Variants in PM20D2 observed in about 807,000 individuals in gnomAD.
PM20D2 encodes xaa-Arg dipeptidase.
Under a neutral mutation model 42.9 loss-of-function variants are expected in PM20D2, and 33 were observed. The observed-to-expected ratio is 0.77, with a 90% confidence interval of 0.58 to 1.03. The LOEUF (loss-of-function observed/expected upper bound fraction) is 1.03. Among genes scored for constraint, PM20D2 ranks in the 50% least tolerant of loss-of-function variants. The pLI is 0.00. For missense variants in PM20D2, 548 were observed against 557.0 expected (o/e 0.98, Z 0.16); for synonymous variants, 250 against 228.2 (o/e 1.10, Z -0.86).
intron 5 of PM20D2, among the ~76,000 whole-genome samples, chr6:89,160,942 G>C (rs1425928255): frequency 6.6e-6 from 1 of 152,054 alleles, no homozygotes; most frequent in East Asian, 1.9e-4. Context: ...ATCGAGAGTA[G>C]TGGGAACATG....
At chr6:89,160,503 T>C (rs987163406) in intron 5 of PM20D2, among the ~76,000 whole-genome samples, 2 of 152,244 alleles carry the variant, frequency 1.3e-5, no homozygotes, top group Admixed American at 6.5e-5. Context: ...TTTGCCTGCA[T>C]GGTGTTTGAC....
At chr6:89,127,375 G>T in the PM20D2 span, among the ~76,000 whole-genome samples, 1 of 150,928 alleles carries the variant, frequency 6.6e-6, no homozygotes, top group East Asian at 1.9e-4. Context: ...TCTTGCCCAG[G>T]CTGGAGTGCA....
At chr6:89,138,943 C>G in the PM20D2 span, among the ~76,000 whole-genome samples, 1 of 152,052 alleles carries the variant, frequency 6.6e-6, no homozygotes, top group South Asian at 2.1e-4. Flanking sequence ...TCCCCTAAGC[C>G]AAATTAATTT....
At chr6:89,132,086 C>T in the PM20D2 span, among the ~76,000 whole-genome samples, 1 of 152,138 alleles carries the variant, frequency 6.6e-6, no homozygotes. Context: ...CTATGGAAAG[C>T]TGACAAGAAC....
chr6:89,110,083 T>C, the PM20D2 span, among the ~76,000 whole-genome samples: 1 of 149,042 alleles, frequency 6.7e-6, no homozygotes, highest in Non-Finnish European at 1.5e-5. Context: ...AGAGCAAGAC[T>C]CTGTCTCAAA....
intron 4 of PM20D2, among the ~76,000 whole-genome samples, chr6:89,155,346 C>A (rs753106428): frequency 5.4e-5 from 7 of 130,196 alleles, no homozygotes; most frequent in South Asian, 2.6e-4. Context: ...ACGATCTTGG[C>A]TCACTACAAC....
chr6:89,096,105 G>A, the PM20D2 span: 2 of 152,170 alleles, frequency 1.3e-5, no homozygotes, highest in East Asian at 3.8e-4. Flanking sequence ...TTTTCACCTA[G>A]TCACAAAAGT....
chr6:89,146,579 GGGC>G lies in PM20D2; in HGVS notation c.436_438del (p.Gly146del). On this transcript the variant is annotated inframe_deletion, in exon 1 of 7. Transcript: ENST00000275072. ...CGCTGGGCGTGAGGGGGGCCTTAGA[GGGC>G]CTCCCCAGGCCGCCTCCGCCCGTGA... The G allele has an allele frequency of 2.7e-6, 4 of 1,477,288 alleles. No homozygotes were observed. The African/African-American group carries it at 4.4e-5, about 16-fold the overall frequency. 91.5% of individuals were successfully genotyped at this position (1,477,288 alleles called of 1,614,324 possible). A position where few individuals can be genotyped will look rare whatever the true frequency, so the allele number is the denominator to read the frequency against.
the PM20D2 span, among the ~76,000 whole-genome samples, chr6:89,119,177 C>A: frequency 6.6e-6 from 1 of 152,238 alleles, no homozygotes; most frequent in East Asian, 1.9e-4. Flanking sequence ...TCTGGCACTG[C>A]AGGCACAGGG....
intron 1 of PM20D2, chr6:89,148,395 A>G (rs1010301587): frequency 3.4e-6 from 1 of 291,346 alleles, no homozygotes; most frequent in Non-Finnish European, 5.1e-6. Context: ...AGCTTGTTTC[A>G]TTGTGTTCTT....
chr6:89,111,435 A>T, the PM20D2 span, among the ~76,000 whole-genome samples: 1 of 152,174 alleles, frequency 6.6e-6, no homozygotes, highest in African/African-American at 2.4e-5. Flanking sequence ...ACTGTTTTTT[A>T]AAATTGTCAT....
chr6:89,098,885 C>A, the PM20D2 span: 6 of 1,613,764 alleles, frequency 3.7e-6, no homozygotes, highest in Non-Finnish European at 5.1e-6. Flanking sequence ...TGAGGTAGAC[C>A]GCCTTGGTAA....
At chr6:89,111,303 G>T in the PM20D2 span, among the ~76,000 whole-genome samples, 1 of 152,106 alleles carries the variant, frequency 6.6e-6, no homozygotes, top group Admixed American at 6.5e-5. Context: ...ATGGGGTTTT[G>T]TTATGCTAGC....
Position 89,163,302 on chromosome 6 carries a change from C to T in PM20D2, c.*1039C>T, listed in dbSNP as rs1453772579. 1 of 152,122 alleles carries T rather than the reference C, an allele frequency of 6.6e-6. No homozygotes were observed. The highest frequency in any genetic ancestry group is 2.4e-5 in the African/African-American group (1 of 41,422). The allele number at this position is 152,122 out of a possible 1,614,324, so 9.4% of individuals were successfully genotyped here. A position where few individuals can be genotyped will look rare whatever the true frequency, so the allele number is the denominator to read the frequency against. On this transcript the variant is annotated 3_prime_UTR_variant, in exon 7 of 7. Transcript: ENST00000275072. ...TGGAGAAGAAAAGATATACTTACTACTTTGCTTCAGGTACACATAAGAAAA... is the reference window on the plus strand; with the variant it reads ...TGGAGAAGAAAAGATATACTTACTATTTTGCTTCAGGTACACATAAGAAAA...
the PM20D2 span, among the ~76,000 whole-genome samples, chr6:89,126,457 G>A: frequency 0.24 from 36,641 of 151,516 alleles, 4,853 homozygotes; most frequent in Non-Finnish European, 0.3. Context: ...AGACCGAGGC[G>A]GGTGGATCAC....
At chr6:89,098,410 G>A in the PM20D2 span, 1 of 837,290 alleles carries the variant, frequency 1.2e-6, no homozygotes. Flanking sequence ...CCCTTTAAAT[G>A]GAGACCAAAT....
chr6:89,115,803 A>AT, the PM20D2 span, among the ~76,000 whole-genome samples: 2 of 68,012 alleles, frequency 2.9e-5, no homozygotes, highest in South Asian at 1.3e-3. Flanking sequence ...CGCCCGTCTA[A>AT]TTTTTTTATT....
At chr6:89,135,072 G>A in the PM20D2 span, among the ~76,000 whole-genome samples, 5 of 151,104 alleles carry the variant, frequency 3.3e-5, no homozygotes, top group African/African-American at 1.2e-4. Flanking sequence ...GTAGATGGGT[G>A]CACTGGCTTG....
Position 89,164,364 on chromosome 6 carries a change from A to G in PM20D2, c.*2101A>G, listed in dbSNP as rs528497915. On this transcript the variant is annotated 3_prime_UTR_variant, in exon 7 of 7. Transcript: ENST00000275072. ...TTCTAAGCACTGGGTGTAAGAAGAA[A>G]AGACACTTGCAAAGGAAGAGCTAAG... 6.5e-6 allele frequency: 1 copy of G among 152,726 alleles called. No homozygotes were observed. Among genetic ancestry groups the G allele is most frequent in the Admixed American group, 6.5e-5 (1 of 15,290 alleles). 9.5% of individuals were successfully genotyped at this position (152,726 alleles called of 1,614,324 possible).
Sources: allele counts gnomAD v4.1 joint callset (sites outside exome capture counted in the v4.1 genomes callset), GRCh38; gene constraint gnomAD v4.1.1; transcripts MANE v1.5; gene names NCBI Gene and HGNC (gene_info 2026-07-23, HGNC 2026-07-21).